The following SLC35F3 variants were observed in gnomAD, a reference collection of about 807,000 sequenced individuals.
SLC35F3 encodes the protein putative thiamine transporter SLC35F3.
Under a neutral mutation model 49.9 loss-of-function variants are expected in SLC35F3, and 25 were observed. The ratio of observed to expected loss-of-function variants is 0.50; its 90% CI spans 0.37 to 0.70. The LOEUF (loss-of-function observed/expected upper bound fraction) is 0.70, where lower values mean the gene tolerates loss of function less well. SLC35F3 is among the 30% of genes least tolerant of loss of function. The probability of loss-of-function intolerance (pLI) is 0.00; values close to 1 mark genes in which losing one functional copy is unlikely to be tolerated. For missense variants in SLC35F3, 525 were observed against 639.8 expected, an observed-to-expected ratio of 0.82 and a Z score of 1.94; for synonymous variants, 275 against 265.4, an observed-to-expected ratio of 1.04 and a Z score of -0.35.
chr1:234,028,044 C>T (rs1358570579), intron 2 of SLC35F3, among the ~76,000 whole-genome samples: 1 of 152,138 alleles, frequency 6.6e-6, no homozygotes, highest in Non-Finnish European at 1.5e-5. Context: ...TATAGGCCAG[C>T]TAGATCTTAT....
chr1:234,013,127 C>G (rs1663749105), intron 2 of SLC35F3, among the ~76,000 whole-genome samples: 1 of 152,152 alleles, frequency 6.6e-6, no homozygotes, highest in African/African-American at 2.4e-5. Context: ...CAAATTGTAT[C>G]AGATATCTTT....
Position 234,142,442 on chromosome 1 carries a change from G to A in SLC35F3, c.284-88975G>A, listed in dbSNP as rs570373769. Among the ~76,000 whole-genome samples the A allele has an allele frequency of 4.3e-4, 66 of 152,298 alleles. 1 individual carries two copies. Among genetic ancestry groups the A allele is most frequent in the African/African-American group, 1.6e-3 (65 of 41,578 alleles). ...GGAATAGAGCCGTTTTGTCCACTGC[G>A]GTGGAGAGGGCTGCTGCAGTGAATG... On this transcript the variant is annotated intron_variant, in intron 2 of 7. Coordinates refer to ENST00000366618, the MANE Select transcript of SLC35F3 (RefSeq NM_173508.4).
intron 3 of SLC35F3, among the ~76,000 whole-genome samples, chr1:234,288,715 C>T (rs1392591803): frequency 2.6e-5 from 4 of 152,174 alleles, no homozygotes; most frequent in African/African-American, 9.7e-5. Context: ...TTCAAATGTC[C>T]ATTTTCCTGA....
intron 2 of SLC35F3, among the ~76,000 whole-genome samples, chr1:234,158,807 A>G (rs1016985981): frequency 1.3e-5 from 2 of 152,214 alleles, no homozygotes; most frequent in Non-Finnish European, 2.9e-5. Context: ...GGTGGACAAA[A>G]GATCTGAGAA....
intron 2 of SLC35F3, among the ~76,000 whole-genome samples, chr1:234,012,313 A>G (rs1269526909): frequency 1.3e-5 from 2 of 152,330 alleles, no homozygotes; most frequent in East Asian, 1.9e-4. Context: ...AGGGGCAGGC[A>G]GGAGACAGTG....
chr1:234,046,763 AATG>A lies in SLC35F3; in HGVS notation c.283+141008_283+141010del. 1.3e-5 allele frequency among the ~76,000 whole-genome samples: 2 copies of A among 152,330 alleles called. No homozygotes were observed. The highest frequency in any genetic ancestry group is 4.1e-4 in the South Asian group (2 of 4,832). On this transcript the variant is annotated intron_variant, in intron 2 of 7. Transcript: ENST00000366618. The surrounding 1 kb of genome is among the most constrained non-coding windows in gnomAD (Gnocchi z 4.4). ...TATTTAATCCCTGAAATTTGTCTGT[AATG>A]ATAATAGACCTCTAATGCTAATATG... is the stretch of plus-strand genomic sequence containing the variant.
chr1:233,915,735 A>G (rs911755088), intron 2 of SLC35F3, among the ~76,000 whole-genome samples: 1 of 152,190 alleles, frequency 6.6e-6, no homozygotes, highest in Admixed American at 6.5e-5. Context: ...GTGGAAGGCA[A>G]GGAGGAGCAA....
At chr1:234,203,004 T>C (rs2102935532) in intron 2 of SLC35F3, among the ~76,000 whole-genome samples, 1 of 152,290 alleles carries the variant, frequency 6.6e-6, no homozygotes, top group Middle Eastern at 3.4e-3. Flanking sequence ...ATGGATTCCT[T>C]CATTCCTGAA....
chr1:233,907,423 G>C (rs1422059432), intron 2 of SLC35F3, among the ~76,000 whole-genome samples: 21 of 152,186 alleles, frequency 1.4e-4, no homozygotes, highest in Non-Finnish European at 3.1e-4. Flanking sequence ...ATGTGGAAAT[G>C]GAGTCCCTTG....
chr1:233,974,712 T>C (rs1663051790), intron 2 of SLC35F3, among the ~76,000 whole-genome samples: 1 of 152,242 alleles, frequency 6.6e-6, no homozygotes, highest in African/African-American at 2.4e-5. Flanking sequence ...AACATGTCAG[T>C]GACATGAATG....
chr1:234,278,292 C>T (rs1408337333), intron 3 of SLC35F3, among the ~76,000 whole-genome samples: 1 of 152,148 alleles, frequency 6.6e-6, no homozygotes, highest in Non-Finnish European at 1.5e-5. Context: ...GATTTTGAGA[C>T]CAGCCTGGCC....
chr1:234,267,633 G>A (rs1668011725), intron 3 of SLC35F3, among the ~76,000 whole-genome samples: 3 of 151,234 alleles, frequency 2.0e-5, no homozygotes, highest in African/African-American at 4.9e-5. Context: ...CAGGCGGGGG[G>A]CTGACCCCCC....
chr1:234,179,471 G>C (rs746143781), intron 2 of SLC35F3, among the ~76,000 whole-genome samples: 9 of 152,082 alleles, frequency 5.9e-5, no homozygotes, highest in Non-Finnish European at 1.2e-4. Flanking sequence ...TGTACATCAT[G>C]GTTCTATTTC....
intron 2 of SLC35F3, among the ~76,000 whole-genome samples, chr1:234,007,083 C>T (rs541420908): frequency 4.1e-4 from 62 of 152,106 alleles, no homozygotes; most frequent in African/African-American, 1.3e-3. Flanking sequence ...GTTGTGTTCC[C>T]GTAAAACTTA....
chr1:234,075,142 GTTAGTGATATAAA>G (rs1664774647), intron 2 of SLC35F3, among the ~76,000 whole-genome samples: 2 of 152,234 alleles, frequency 1.3e-5, no homozygotes, highest in Admixed American at 1.3e-4. Context: ...AAATTGAGAA[GTTAGTGATATAAA>G]TCTGAGAGAC....
At chr1:234,020,489 T>C (rs942724733) in intron 2 of SLC35F3, among the ~76,000 whole-genome samples, 11 of 152,204 alleles carry the variant, frequency 7.2e-5, no homozygotes, top group Non-Finnish European at 1.3e-4. Flanking sequence ...TTTTTCTTTT[T>C]TCTTCTTCCT....
At chr1:234,299,152 A>G (rs1668651253) in intron 3 of SLC35F3, among the ~76,000 whole-genome samples, 1 of 152,138 alleles carries the variant, frequency 6.6e-6, no homozygotes, top group Non-Finnish European at 1.5e-5. Flanking sequence ...TTTAAATTCC[A>G]TGTGCTGTTA....
intron 3 of SLC35F3, among the ~76,000 whole-genome samples, chr1:234,280,818 G>A (rs921633839): frequency 6.6e-6 from 1 of 152,152 alleles, no homozygotes; most frequent in African/African-American, 2.4e-5. Context: ...CAGAGAGATT[G>A]AACAACTTGT....
At chr1:234,047,505 C>G (rs1245653260) in intron 2 of SLC35F3, among the ~76,000 whole-genome samples, 1 of 152,210 alleles carries the variant, frequency 6.6e-6, no homozygotes, top group East Asian at 1.9e-4. Flanking sequence ...TTCTTCCTGC[C>G]TTCAGATTAA....
Sources: gnomAD v4.1 joint callset for allele counts (sites outside exome capture counted in the v4.1 genomes callset) on GRCh38, gnomAD v4.1.1 for gene constraint, Gnocchi (gnomAD v3.1) non-coding constraint, MANE v1.5 for transcripts, NCBI Gene and HGNC (gene_info 2026-07-23, HGNC 2026-07-21) for gene names.